The following ZMYM2 variants were observed in gnomAD, a reference collection of about 807,000 sequenced individuals.
ZMYM2 encodes the protein zinc finger MYM-type protein 2.
In ZMYM2, 56 loss-of-function variants were observed where a neutral mutation model predicts 162.8. That is an observed-to-expected ratio of 0.34 (90% CI 0.28 to 0.43). The LOEUF (loss-of-function observed/expected upper bound fraction) is 0.43. ZMYM2 is among the 20% of genes least tolerant of loss of function. The probability of loss-of-function intolerance (pLI) is 1.00; values close to 1 mark genes in which losing one functional copy is unlikely to be tolerated. For synonymous variants in ZMYM2, 510 were observed against 541.6 expected (o/e 0.94, Z 0.81); for missense variants, 1,275 against 1,621.8 (o/e 0.79, Z 3.67).
At chr13:19,886,816 ATTTT>A in the ZMYM2 span, among the ~76,000 whole-genome samples, 8 of 149,168 alleles carry the variant, frequency 5.4e-5, no homozygotes, top group African/African-American at 2.0e-4. Context: ...TGCCCGGTTA[ATTTT>A]TTTTTTAATT....
chr13:19,926,389 A>C, the ZMYM2 span, among the ~76,000 whole-genome samples: 3 of 127,912 alleles, frequency 2.3e-5, no homozygotes, highest in Non-Finnish European at 3.2e-5. Flanking sequence ...TTTTAGTAAG[A>C]GTCTCATTCT....
the ZMYM2 span, among the ~76,000 whole-genome samples, chr13:19,930,905 C>T: frequency 5.3e-5 from 8 of 150,142 alleles, no homozygotes; most frequent in African/African-American, 9.7e-5. Flanking sequence ...TTTGGGAGGC[C>T]GAGGCGGGCA....
chr13:20,004,676 C>T (rs1306707081), intron 4 of ZMYM2, among the ~76,000 whole-genome samples: 1 of 148,836 alleles, frequency 6.7e-6, no homozygotes. Flanking sequence ...GAACGTATAC[C>T]ATATTCCCCA....
chr13:20,059,330 T>TAAAA, intron 15 of ZMYM2, 117 bp from the exon 16 acceptor site: 1 of 758,552 alleles, frequency 1.3e-6, no homozygotes, highest in Non-Finnish European at 1.9e-6. Flanking sequence ...AACTGGGAAT[T>TAAAA]AAAAAAAAAA....
At chr13:19,867,350 CA>C in the ZMYM2 span, among the ~76,000 whole-genome samples, 7,152 of 101,456 alleles carry the variant, frequency 0.07, 189 homozygotes, top group South Asian at 0.11. Context: ...AACTCCATCT[CA>C]AAAAAAAAAA....
At position 20,080,682 on chromosome 13, in the gene ZMYM2, G is replaced by A. The variant is rs902427028; in HGVS notation, c.3454-1334G>A. ...TTTTTGTATTTTTTGTAGAGACGGG[G>A]TTTCACCATCTTGCCCAGGCTGGTC... On this transcript the variant is annotated intron_variant, in intron 21 of 24. Transcript: ENST00000610343. 5.3e-5 allele frequency among the ~76,000 whole-genome samples: 8 copies of A among 152,156 alleles called. 1 individual carries two copies. In the South Asian group the frequency reaches 1.7e-3, roughly 32 times the overall value.
intron 2 of ZMYM2, among the ~76,000 whole-genome samples, chr13:19,971,472 G>C (rs889458712): frequency 1.3e-5 from 2 of 151,346 alleles, no homozygotes; most frequent in Admixed American, 1.3e-4. Flanking sequence ...GTTTCTCCAT[G>C]TTGGTCAGGC....
At chr13:19,991,263 G>A (rs563822159) in intron 2 of ZMYM2, among the ~76,000 whole-genome samples, 10 of 152,028 alleles carry the variant, frequency 6.6e-5, no homozygotes, top group Non-Finnish European at 8.8e-5. Flanking sequence ...ACAGATGTGC[G>A]CCACCATGAC....
At chr13:19,956,862 A>G (rs1434429731), upstream of ZMYM2, among the ~76,000 whole-genome samples, 1 of 152,232 alleles carries the variant, frequency 6.6e-6, no homozygotes, top group Non-Finnish European at 1.5e-5. Context: ...CCAAATTATT[A>G]CAATTTGGTA....
At chr13:20,026,583 A>C in intron 7 of ZMYM2, 29 bp from the exon 8 acceptor site, 2 of 1,565,586 alleles carry the variant, frequency 1.3e-6, no homozygotes, top group Non-Finnish European at 1.7e-6. Context: ...GTAGTCTTAA[A>C]AATTATCTTT....
At chr13:20,083,147 C>G (rs186691366) in intron 23 of ZMYM2, 115 bp downstream of exon 23, 25 of 1,028,594 alleles carry the variant, frequency 2.4e-5, no homozygotes, top group Middle Eastern at 3.3e-4. Context: ...ACCGCAACCT[C>G]TACCTCCTGG....
At chr13:20,047,021 A>G (rs926251970) in intron 12 of ZMYM2, among the ~76,000 whole-genome samples, 2 of 152,200 alleles carry the variant, frequency 1.3e-5, no homozygotes, top group African/African-American at 4.8e-5. Flanking sequence ...ATCTTTGTAT[A>G]ATATACATAA....
At chr13:20,063,841 T>A (rs259787) in intron 18 of ZMYM2, among the ~76,000 whole-genome samples, 15,822 of 42,630 alleles carry the variant, frequency 0.37, 1,733 homozygotes, top group African/African-American at 0.45. Context: ...TTTTATATAT[T>A]ATATACATCA....
At chr13:20,052,107 T>C (rs1955411679) in intron 13 of ZMYM2, among the ~76,000 whole-genome samples, 170 bp from the exon 14 acceptor site, 1 of 152,166 alleles carries the variant, frequency 6.6e-6, no homozygotes, top group South Asian at 2.1e-4. Flanking sequence ...TTCATTTATT[T>C]ACCTGTATAT....
the ZMYM2 span, among the ~76,000 whole-genome samples, chr13:19,890,581 C>T: frequency 2.7e-5 from 4 of 147,904 alleles, no homozygotes; most frequent in African/African-American, 1.0e-4. Context: ...TTGTAGAACA[C>T]GTATCTCTGG....
At chr13:20,004,095 A>G (rs1355679414) in intron 4 of ZMYM2, among the ~76,000 whole-genome samples, 1 of 152,232 alleles carries the variant, frequency 6.6e-6, no homozygotes, top group Non-Finnish European at 1.5e-5. Context: ...CTTGAATTTT[A>G]CAAAGAGCTT....
At chr13:20,047,229 C>T (rs1954908347) in intron 12 of ZMYM2, among the ~76,000 whole-genome samples, 2 of 152,318 alleles carry the variant, frequency 1.3e-5, no homozygotes, top group South Asian at 2.1e-4. Flanking sequence ...CAAATGGTAA[C>T]TTTATTCTCT....
intron 21 of ZMYM2, 149 bp downstream of exon 21, chr13:20,067,539 TAATC>T: frequency 2.4e-6 from 2 of 845,060 alleles, no homozygotes; most frequent in Non-Finnish European, 3.5e-6. Flanking sequence ...ATATAAATGA[TAATC>T]AGGATGACAT....
chr13:19,923,495 T>C, the ZMYM2 span, among the ~76,000 whole-genome samples: 1 of 149,806 alleles, frequency 6.7e-6, no homozygotes, highest in African/African-American at 2.4e-5. Context: ...TATATCTATA[T>C]ATATCTATAT....
Sources: gnomAD v4.1 joint callset for allele counts (sites outside exome capture counted in the v4.1 genomes callset) on GRCh38, gnomAD v4.1.1 for gene constraint, MANE v1.5 for transcripts, NCBI Gene and HGNC (gene_info 2026-07-23, HGNC 2026-07-21) for gene names.